The following ZFP14 variants were observed in gnomAD, a reference collection of about 807,000 sequenced individuals.
The protein encoded by ZFP14 is ZFP14 zinc finger protein.
Under a neutral mutation model 54.5 loss-of-function variants are expected in ZFP14, and 22 were observed. That is an observed-to-expected ratio of 0.40 (90% CI 0.29 to 0.58). The LOEUF (loss-of-function observed/expected upper bound fraction) is 0.58, where lower values mean the gene tolerates loss of function less well. ZFP14 is among the 20% of genes least tolerant of loss of function. ZFP14 has a pLI of 0.39. For synonymous variants in ZFP14, 159 were observed against 204.0 expected, an observed-to-expected ratio of 0.78 and a Z score of 1.88; for missense variants, 470 against 637.8, an observed-to-expected ratio of 0.74 and a Z score of 2.83.
At chr19:36,360,224 G>T (rs977334891) in intron 4 of ZFP14, 1 of 352,892 alleles carries the variant, frequency 2.8e-6, no homozygotes, top group Non-Finnish European at 5.1e-6. Context: ...TGAAAGATGA[G>T]AAACAGTGTT....
intron 1 of ZFP14, among the ~76,000 whole-genome samples, chr19:36,374,422 G>A (rs540606174): frequency 4.6e-5 from 7 of 151,376 alleles, no homozygotes; most frequent in South Asian, 2.1e-4. Context: ...CCCAGGAGAC[G>A]GAGGTTGCAA....
At chr19:36,352,718 G>T (rs1181255685) in intron 4 of ZFP14, among the ~76,000 whole-genome samples, 1 of 142,252 alleles carries the variant, frequency 7.0e-6, no homozygotes, top group East Asian at 2.1e-4. Context: ...GAGGCGGGCG[G>T]ATCACAAGGC....
chr19:36,357,854 T>A (rs2145553251), intron 4 of ZFP14, among the ~76,000 whole-genome samples: 1 of 149,992 alleles, frequency 6.7e-6, no homozygotes, highest in African/African-American at 2.4e-5. Flanking sequence ...GAGATTCTCA[T>A]GCCTCACCCT....
chr19:36,352,757 C>T (rs1352114223), intron 4 of ZFP14, among the ~76,000 whole-genome samples: 1 of 141,960 alleles, frequency 7.0e-6, no homozygotes, highest in Admixed American at 7.3e-5. Context: ...ATGGCTAACA[C>T]GGTGAAACCC....
chr19:36,349,705 T>A (rs2031492579), intron 4 of ZFP14, among the ~76,000 whole-genome samples: 1 of 146,556 alleles, frequency 6.8e-6, no homozygotes, highest in African/African-American at 2.5e-5. Flanking sequence ...AATATATATA[T>A]AATATATACT....
chr19:36,340,028 A>G lies in ZFP14; in HGVS notation c.*196T>C. 1 of 506,686 alleles carries G rather than the reference A, an allele frequency of 2.0e-6. No homozygotes were observed. The highest frequency in any genetic ancestry group is 3.3e-5 in the East Asian group (1 of 30,424). The allele number at this position is 506,686 out of a possible 1,614,324, so 31.4% of individuals were successfully genotyped here. On this transcript the variant is annotated 3_prime_UTR_variant, in exon 5 of 5. Transcript: ENST00000270001. This position sits in a 1 kb window ranked among gnomAD's most constrained non-coding sequence, Gnocchi z 5.4. ...CAGATAAGGCTAAAGATTTTCCTAC[A>G]TTCATTACATTATTCTCTCATAGGA... is the stretch of plus-strand genomic sequence containing the variant.
chr19:36,343,509 C>T (rs2031359309), intron 4 of ZFP14, among the ~76,000 whole-genome samples: 2 of 152,178 alleles, frequency 1.3e-5, no homozygotes, highest in African/African-American at 4.8e-5. Flanking sequence ...ATCAAAATCA[C>T]TTCTTCACAA....
At position 36,362,167 on chromosome 19, in the gene ZFP14, C is replaced by T. The variant is rs2145556474; in HGVS notation, c.81G>A (p.Gln27=). ...ACATTACATCCCTATATAAGTCCCTCTGAGCAGGATCCAGGAATTCCCATT... is the reference window on the plus strand; with the variant it reads ...ACATTACATCCCTATATAAGTCCCTTTGAGCAGGATCCAGGAATTCCCATT... The part of the protein sequence containing the change: ...QEEWEFLDPA[Q]RDLYRDVMWE... The change falls in exon 3 of 5, where the codon CAG becomes CAA. Residue 27 remains glutamine, a synonymous_variant. Coordinates refer to ENST00000270001, the MANE Select transcript of ZFP14 (RefSeq NM_020917.3). The T allele has an allele frequency of 1.2e-6, 2 of 1,612,696 alleles. No homozygotes were observed. The highest frequency in any genetic ancestry group is 2.2e-5 in the South Asian group (2 of 90,976).
intron 2 of ZFP14, among the ~76,000 whole-genome samples, chr19:36,366,204 G>A (rs1330025127): frequency 2.0e-5 from 3 of 151,860 alleles, no homozygotes; most frequent in African/African-American, 7.3e-5. Flanking sequence ...GAAAGCGGAG[G>A]TTGCAGTGAG....
At chr19:36,346,550 C>A (rs563934514) in intron 4 of ZFP14, among the ~76,000 whole-genome samples, 1 of 151,948 alleles carries the variant, frequency 6.6e-6, no homozygotes, top group African/African-American at 2.4e-5. Context: ...CTCTGCCTCC[C>A]GGGTTCAAGT....
intron 1 of ZFP14, among the ~76,000 whole-genome samples, chr19:36,377,288 G>A (rs1038804167): frequency 1.8e-4 from 27 of 152,124 alleles, no homozygotes; most frequent in African/African-American, 6.5e-4. Flanking sequence ...GGTGGCTCAC[G>A]CCTGTAATCT....
At chr19:36,359,320 T>G (rs4133047) in intron 4 of ZFP14, among the ~76,000 whole-genome samples, 7,109 of 152,290 alleles carry the variant, frequency 0.047, 217 homozygotes, top group Non-Finnish European at 0.066. Flanking sequence ...GGGTTTATGC[T>G]TTTTTTGTAA....
chr19:36,343,348 T>A (rs34288068), intron 4 of ZFP14, among the ~76,000 whole-genome samples: 8,243 of 151,682 alleles, frequency 0.054, 254 homozygotes, highest in Non-Finnish European at 0.066. Flanking sequence ...TCTTCTCCCA[T>A]TTGTTCTCTC....
Position 36,360,504 on chromosome 19 carries a change from T to C in ZFP14, c.166A>G (p.Thr56Ala), listed in dbSNP as rs766580091. ...TCCTTCCTTTCTTCATCCAATAAGG[T>C]AATCACATCTGGTTTAGAAATGGAA... Reference protein sequence around the residue: ...GPSISKPDVITLLDEERKEPG... With the variant: ...GPSISKPDVIALLDEERKEPG... Residue 56 changes from threonine to alanine, a missense_variant, in exon 4 of 5, where the codon ACC (threonine) becomes GCC (alanine). Physicochemically the swap from Thr to Ala is moderately conservative, Grantham distance 58. Transcript: ENST00000270001. The C allele has an allele frequency of 2.3e-5, 37 of 1,613,514 alleles. No homozygotes were observed. The Admixed American group carries it at 6.0e-4, about 26-fold the overall frequency.
intron 1 of ZFP14, among the ~76,000 whole-genome samples, chr19:36,371,994 G>GGGA (rs148775266): frequency 2.1e-5 from 3 of 140,108 alleles, no homozygotes; most frequent in African/African-American, 8.0e-5. Flanking sequence ...GATGGAGGGA[G>GGGA]GGAGGGAGGG....
In ZFP14 at chr19:36,341,574, G is replaced by A; in HGVS notation, c.252C>T (p.Tyr84=). ...RRYCPDLESR[Y]RTNTLSPEKD... ...TTTCTGGAGATAAAGTATTGGTCCT[G>A]TATCTGGACTCCAAATCTGAAAGAA... Residue 84 remains tyrosine (Y), a synonymous_variant, in exon 5 of 5, where the codon TAC becomes TAT. Coordinates refer to ENST00000270001, the MANE Select transcript of ZFP14 (RefSeq NM_020917.3). The surrounding 1 kb of genome is among the most constrained non-coding windows in gnomAD (Gnocchi z 4.2). 1.3e-6 allele frequency: 2 copies of A among 1,564,672 alleles called. No individual in the cohort carries two copies. Among genetic ancestry groups the A allele is most frequent in the Non-Finnish European group, 1.7e-6 (2 of 1,159,942 alleles).
At chr19:36,360,947 A>C (rs1037299076) in intron 3 of ZFP14, among the ~76,000 whole-genome samples, 5 of 152,216 alleles carry the variant, frequency 3.3e-5, no homozygotes, top group Admixed American at 6.5e-5. Flanking sequence ...GAAGATAATA[A>C]TATCTTCTCA....
intron 4 of ZFP14, among the ~76,000 whole-genome samples, chr19:36,343,993 A>G (rs1429303475): frequency 6.6e-6 from 1 of 151,386 alleles, no homozygotes; most frequent in African/African-American, 2.4e-5. Flanking sequence ...ACACTCTCTT[A>G]GCACACTCTT....
chr19:36,350,039 T>C (rs1466827369), intron 4 of ZFP14, among the ~76,000 whole-genome samples: 2 of 137,372 alleles, frequency 1.5e-5, no homozygotes, highest in Admixed American at 1.5e-4. Context: ...TGGTGGTGCT[T>C]GAGCCCGGGA....
Sources: allele counts gnomAD v4.1 joint callset (sites outside exome capture counted in the v4.1 genomes callset), GRCh38; gene constraint gnomAD v4.1.1; non-coding constraint Gnocchi (gnomAD v3.1); transcripts MANE v1.5; gene names NCBI Gene and HGNC (gene_info 2026-07-23, HGNC 2026-07-21).